SLC44A5: variants seen among roughly 807,000 people sequenced by gnomAD.
SLC44A5 encodes the protein solute carrier family 44 member 5, also known as choline transporter-like protein 5.
In SLC44A5, 57 loss-of-function variants were observed where a neutral mutation model predicts 101.8. The observed-to-expected ratio is 0.56, with a 90% CI of 0.45 to 0.70. The LOEUF is 0.70. Among genes scored for constraint, SLC44A5 ranks in the 30% least tolerant of loss-of-function variants. The pLI, the probability that SLC44A5 is intolerant of heterozygous loss-of-function variation, is 0.00. For missense variants in SLC44A5, 737 were observed against 853.1 expected (o/e 0.86, Z 1.70); for synonymous variants, 281 against 290.9 (o/e 0.97, Z 0.35).
chr1:75,556,845 T>C (rs1200318310), intron 1 of SLC44A5, among the ~76,000 whole-genome samples: 2 of 152,016 alleles, frequency 1.3e-5, no homozygotes, highest in Non-Finnish European at 2.9e-5. Flanking sequence ...CTGCTATATC[T>C]TCTGGAATCA....
intron 3 of SLC44A5, among the ~76,000 whole-genome samples, chr1:75,376,005 C>T (rs1004013933): frequency 1.3e-5 from 2 of 152,182 alleles, no homozygotes; most frequent in Non-Finnish European, 2.9e-5. Context: ...CGAAGCAGGG[C>T]GAGGCATTGC....
intron 1 of SLC44A5, among the ~76,000 whole-genome samples, chr1:75,561,985 G>T (rs2102010552): frequency 6.6e-6 from 1 of 152,030 alleles, no homozygotes; most frequent in South Asian, 2.1e-4. Context: ...GAGAAGAAAA[G>T]ATAACTATTG....
At chr1:75,241,911 C>T (rs1354460405) in intron 9 of SLC44A5, 90 bp downstream of exon 9, 1 of 1,168,358 alleles carries the variant, frequency 8.6e-7, no homozygotes, top group African/African-American at 1.5e-5. Context: ...CATTCTTGGC[C>T]TCAGTCTCAT....
chr1:75,400,191 G>A (rs999051199), intron 2 of SLC44A5, among the ~76,000 whole-genome samples: 3 of 152,228 alleles, frequency 2.0e-5, no homozygotes, highest in African/African-American at 4.8e-5. Context: ...AGAAAGGAGA[G>A]GAAAGGATGG....
At chr1:75,308,549 C>T (rs1432034965) in intron 4 of SLC44A5, among the ~76,000 whole-genome samples, 1 of 152,150 alleles carries the variant, frequency 6.6e-6, no homozygotes, top group East Asian at 1.9e-4. Flanking sequence ...GTGGAAACCA[C>T]TCTGCAAATG....
At chr1:75,261,439 GA>G (rs1443908661) in intron 6 of SLC44A5, among the ~76,000 whole-genome samples, 1 of 151,954 alleles carries the variant, frequency 6.6e-6, no homozygotes, top group Non-Finnish European at 1.5e-5. Flanking sequence ...TAACTTCCTG[GA>G]CACATACACC....
chr1:75,206,387 GTTTGACATTAACAT>G, intron 23 of SLC44A5: 1 of 425,944 alleles, frequency 2.3e-6, no homozygotes, highest in South Asian at 5.3e-5. Context: ...TTTAAAAAAC[GTTTGACATTAACAT>G]TTTGATCTTT....
intron 4 of SLC44A5, among the ~76,000 whole-genome samples, chr1:75,305,394 GCACAT>G (rs1185169727): frequency 6.6e-6 from 1 of 152,122 alleles, no homozygotes; most frequent in Non-Finnish European, 1.5e-5. Context: ...AATTCGGTCT[GCACAT>G]CACTGATATT....
intron 2 of SLC44A5, among the ~76,000 whole-genome samples, chr1:75,451,519 G>T (rs1570318838): frequency 6.6e-6 from 1 of 151,472 alleles, no homozygotes; most frequent in Non-Finnish European, 1.5e-5. Context: ...TATACAAAAA[G>T]AAAAAAATAA....
At chr1:75,517,415 CAA>C (rs201560063) in intron 2 of SLC44A5, among the ~76,000 whole-genome samples, 1 of 150,510 alleles carries the variant, frequency 6.6e-6, no homozygotes, top group East Asian at 1.9e-4. Context: ...CCTTGTGACC[CAA>C]AAAAAGTCAG....
At chr1:75,644,341 TA>T in the SLC44A5 span, among the ~76,000 whole-genome samples, 3 of 144,688 alleles carry the variant, frequency 2.1e-5, no homozygotes, top group Admixed American at 2.1e-4. Flanking sequence ...AATAAATTAG[TA>T]AACAAAAGAT....
At chr1:75,502,094 G>T (rs1464792931) in intron 2 of SLC44A5, among the ~76,000 whole-genome samples, 1 of 152,150 alleles carries the variant, frequency 6.6e-6, no homozygotes, top group Non-Finnish European at 1.5e-5. Flanking sequence ...ACCCAGTGAC[G>T]TGCCAACAAT....
intron 2 of SLC44A5, among the ~76,000 whole-genome samples, chr1:75,410,332 T>A (rs1258878888): frequency 6.6e-6 from 1 of 152,110 alleles, no homozygotes; most frequent in Admixed American, 6.6e-5. Context: ...ATTAATTACC[T>A]GCCATGCCTA....
chr1:75,598,682 C>T (rs1381282052), intron 1 of SLC44A5, among the ~76,000 whole-genome samples: 2 of 152,044 alleles, frequency 1.3e-5, no homozygotes, highest in African/African-American at 2.4e-5. Flanking sequence ...GGACAGAAAA[C>T]CAAATACTGA....
the SLC44A5 span, among the ~76,000 whole-genome samples, chr1:75,642,999 G>C: frequency 6.6e-6 from 1 of 152,082 alleles, no homozygotes; most frequent in Admixed American, 6.6e-5. Context: ...TTTCATCACA[G>C]TGTGAAAAAT....
At chr1:75,490,996 C>A (rs190104738) in intron 2 of SLC44A5, among the ~76,000 whole-genome samples, 1 of 152,086 alleles carries the variant, frequency 6.6e-6, no homozygotes, top group Non-Finnish European at 1.5e-5. Flanking sequence ...TCCTTTTCTT[C>A]CTTGCTGGAA....
chr1:75,619,082 G>T, the SLC44A5 span, among the ~76,000 whole-genome samples: 2 of 74,896 alleles, frequency 2.7e-5, no homozygotes, highest in Admixed American at 1.3e-4. Flanking sequence ...AAAAAAAAGG[G>T]GGGGGGGAAG....
chr1:75,689,626 C>A, the SLC44A5 span, among the ~76,000 whole-genome samples: 2 of 152,178 alleles, frequency 1.3e-5, no homozygotes, highest in African/African-American at 4.8e-5. Context: ...CAGAAATAAA[C>A]CACACCTGAT....
chr1:75,537,454 A>T (rs1179626041), intron 2 of SLC44A5, among the ~76,000 whole-genome samples: 1 of 152,184 alleles, frequency 6.6e-6, no homozygotes, highest in African/African-American at 2.4e-5. Flanking sequence ...TATGCATCTT[A>T]TATTGCAAAT....
Sources: allele counts gnomAD v4.1 joint callset (sites outside exome capture counted in the v4.1 genomes callset), GRCh38; gene constraint gnomAD v4.1.1; transcripts MANE v1.5; gene names NCBI Gene and HGNC (gene_info 2026-07-23, HGNC 2026-07-21).